TRIM4: variants seen among roughly 807,000 people sequenced by gnomAD.
TRIM4 encodes E3 ubiquitin-protein ligase TRIM4.
TRIM4 carries 29 observed loss-of-function variants against 33.7 expected under a neutral mutation model. That is an observed-to-expected ratio of 0.86 (90% CI 0.64 to 1.17). The LOEUF (loss-of-function observed/expected upper bound fraction) is 1.17. Ranked by LOEUF, TRIM4 falls within the 50% of genes most tolerant of loss-of-function variation. The pLI, the probability that TRIM4 is intolerant of heterozygous loss-of-function variation, is 0.00. For missense variants in TRIM4, 554 were observed against 593.7 expected, an observed-to-expected ratio of 0.93 and a Z score of 0.69; for synonymous variants, 224 against 233.0, an observed-to-expected ratio of 0.96 and a Z score of 0.35.
rs968736617 is a variant in TRIM4, at chr7:99,892,014, C to T, written c.*149G>A. The T allele has an allele frequency of 1.4e-6, 1 of 713,800 alleles. No individual in the cohort carries two copies. The highest frequency in any genetic ancestry group is 1.8e-5 in the African/African-American group (1 of 55,978). The allele number at this position is 713,800 out of a possible 1,614,324, so 44.2% of individuals were successfully genotyped here. A position where few individuals can be genotyped will look rare whatever the true frequency, so the allele number is the denominator to read the frequency against. ...CCATGGGACTGCCTCTTGTGAAGCA[C>T]ACAAAGGGCAGATACCAAACGGTAC... On this transcript the variant is annotated 3_prime_UTR_variant, in exon 6 of 6. Transcript: ENST00000349062.
At chr7:99,916,860 A>T (rs537047269) in intron 1 of TRIM4, 503 of 752,470 alleles carry the variant, frequency 6.7e-4, no homozygotes, top group Non-Finnish European at 1.1e-3. Context: ...AGAAAGTTCA[A>T]TCTTTTTACT....
intron 1 of TRIM4, among the ~76,000 whole-genome samples, chr7:99,914,630 C>G (rs888639953): frequency 6.6e-6 from 1 of 152,004 alleles, no homozygotes; most frequent in Admixed American, 6.6e-5. Flanking sequence ...GCTCTTGGTC[C>G]TCCAGGTGCA....
Position 99,891,906 on chromosome 7 carries a change from C to T in TRIM4, c.*257G>A. On this transcript the variant is annotated 3_prime_UTR_variant, in exon 6 of 6. Coordinates refer to ENST00000349062, the MANE Select transcript of TRIM4 (RefSeq NM_033091.3). The stretch of plus-strand genomic sequence containing the variant: ...CTAACATCCATATGTCTTCCCCGCA[C>T]ATCTCTTTAAAAGCTACAAAAAGAT... The T allele has an allele frequency of 2.4e-6, 1 of 410,306 alleles. No individual in the cohort carries two copies. Among genetic ancestry groups the T allele is most frequent in the Middle Eastern group, 6.6e-4 (1 of 1,512 alleles). 25.4% of individuals were successfully genotyped at this position (410,306 alleles called of 1,614,324 possible).
In TRIM4 at chr7:99,898,134, C is replaced by T. The variant is rs1819065151; in HGVS notation, c.841+5084G>A. Among the ~76,000 whole-genome samples, 4 of 152,328 alleles carry T rather than the reference C, an allele frequency of 2.6e-5. No individual in the cohort carries two copies. In the South Asian group the frequency reaches 8.3e-4, roughly 32 times the overall value. The stretch of plus-strand genomic sequence containing the variant: ...ATAAGTCTCACCCACTTCCCTTCAG[C>T]ACCACCACCACATTATGCAGTGCGT... On this transcript the variant is annotated intron_variant, in intron 5 of 5. Transcript: ENST00000349062.
Position 99,908,696 on chromosome 7 carries a change from C to A in TRIM4, c.606G>T (p.Thr202=), listed in dbSNP as rs771212971. The A allele has an allele frequency of 1.2e-6, 2 of 1,614,046 alleles. No individual in the cohort carries two copies. The highest frequency in any genetic ancestry group is 1.7e-6 in the Non-Finnish European group (2 of 1,180,036). ...ACGTGTTCTCATTCAGCTTCTTCTT[C>A]GTCTCTTCTTCTTCTTTGTTCAATC... ...LQRLNKEEEE[T]KKKLNENTLK... The change falls in exon 3 of 6, where the codon ACG becomes ACT. Residue 202 remains threonine, a synonymous_variant. Transcript: ENST00000349062.
chr7:99,915,996 C>T (rs1819547944), intron 1 of TRIM4, among the ~76,000 whole-genome samples: 1 of 152,134 alleles, frequency 6.6e-6, no homozygotes, highest in Non-Finnish European at 1.5e-5. Flanking sequence ...ACAGTTGCCT[C>T]ATCTTCAAAA....
intron 2 of TRIM4, among the ~76,000 whole-genome samples, chr7:99,909,198 T>C (rs536784427): frequency 6.6e-6 from 1 of 150,784 alleles, no homozygotes; most frequent in East Asian, 2.0e-4. Flanking sequence ...CTTTCCACAA[T>C]GCCATGGGCC....
chr7:99,916,268 G>C (rs898374145), intron 1 of TRIM4, among the ~76,000 whole-genome samples: 1 of 152,056 alleles, frequency 6.6e-6, no homozygotes, highest in African/African-American at 2.4e-5. Flanking sequence ...CCAACCATTG[G>C]TGTTTCCCAA....
chr7:99,903,085 AC>A, intron 5 of TRIM4, 132 bp downstream of exon 5: 2 of 662,296 alleles, frequency 3.0e-6, no homozygotes, highest in Non-Finnish European at 5.2e-6. Context: ...TGAAGTGTAT[AC>A]CCATTTATTA....
Position 99,919,075 on chromosome 7 carries a change from G to GCA in TRIM4, c.325_326dup (p.Arg110AlafsTer37), listed in dbSNP as rs957260784. The GCA allele has an allele frequency of 6.4e-7, 1 of 1,555,630 alleles. No homozygotes were observed. Among genetic ancestry groups the GCA allele is most frequent in the African/African-American group, 1.4e-5 (1 of 71,466 alleles). On this transcript the variant is annotated frameshift_variant, in exon 1 of 6. Transcript: ENST00000349062. LOFTEE classifies it high-confidence loss of function. ...GAGTCTGGTGCTCCTGGGACTCCCT[G>GCA]CACACCAGGCACACTGGCCGCTGGT... is the stretch of plus-strand genomic sequence containing the variant.
At position 99,892,401 on chromosome 7, in the gene TRIM4, C is replaced by G. The variant is rs1446664852; in HGVS notation, c.1187G>C (p.Ser396Thr). The G allele has an allele frequency of 3.7e-6, 6 of 1,614,016 alleles. No homozygotes were observed. Among genetic ancestry groups the G allele is most frequent in the Non-Finnish European group, 5.1e-6 (6 of 1,180,024 alleles). Residue 396 changes from serine (S) to threonine (T), a missense_variant, in exon 6 of 6, where the codon AGT becomes ACT. By Grantham distance (58) the Ser-to-Thr change is moderately conservative (BLOSUM62 1). This residue lies in a region of TRIM4 where 290 missense variants were observed against 335.8 expected (regional missense o/e 0.86). Coordinates refer to ENST00000349062, the MANE Select transcript of TRIM4 (RefSeq NM_033091.3). The part of the protein sequence containing the change: ...PDVGIWAIYW[S>T]AAGYWPLIGF... ...TATCAAGGGCCAATAGCCAGCAGCA[C>G]TCCAATAAATCGCCCAGATGCCCAC...
chr7:99,919,502 T>TCAC lies in TRIM4; in HGVS notation c.-104_-102dup, dbSNP rs1405093900. On this transcript the variant is annotated 5_prime_UTR_variant, in exon 1 of 6. Transcript: ENST00000349062. ...AGGCCAGACGACTTCCGAACCGCCG[T>TCAC]CACCGCCTCACGTAAAAGGGTACAA... is the stretch of plus-strand genomic sequence containing the variant. 4 of 1,273,968 alleles carry TCAC rather than the reference T, an allele frequency of 3.1e-6. No homozygotes were observed. The highest frequency in any genetic ancestry group is 4.2e-6 in the Non-Finnish European group (4 of 960,888). 78.9% of individuals were successfully genotyped at this position (1,273,968 alleles called of 1,614,324 possible).
At chr7:99,901,530 G>A (rs1819167528) in intron 5 of TRIM4, 1 of 152,132 alleles carries the variant, frequency 6.6e-6, no homozygotes, top group Non-Finnish European at 1.5e-5. Flanking sequence ...CTTTATCCTG[G>A]GATGCAGTTA....
intron 5 of TRIM4, chr7:99,902,321 C>T (rs530858499): frequency 2.2e-4 from 141 of 639,148 alleles, no homozygotes; most frequent in Middle Eastern, 4.1e-4. Flanking sequence ...AATCTCAGCT[C>T]ACTGCAACCT....
Position 99,892,129 on chromosome 7 carries a change from C to T in TRIM4, c.*34G>A. The T allele has an allele frequency of 6.5e-7, 1 of 1,547,240 alleles. No homozygotes were observed. Among genetic ancestry groups the T allele is most frequent in the South Asian group, 1.2e-5 (1 of 81,476 alleles). ...GGATGTGTGTCCCTCAGCTGGACTACAGGGAAGGAGTTTTGGTCAGGGGAA... is the reference window on the plus strand; with the variant it reads ...GGATGTGTGTCCCTCAGCTGGACTATAGGGAAGGAGTTTTGGTCAGGGGAA... On this transcript the variant is annotated 3_prime_UTR_variant, in exon 6 of 6. Transcript: ENST00000349062.
intron 5 of TRIM4, among the ~76,000 whole-genome samples, chr7:99,894,568 G>C (rs1198751789): frequency 6.6e-6 from 1 of 151,998 alleles, no homozygotes; most frequent in Non-Finnish European, 1.5e-5. Context: ...TTGGGAGGCT[G>C]AGGCAGGAGA....
chr7:99,919,077 A>G lies in TRIM4; in HGVS notation c.325T>C (p.Cys109Arg). 6.4e-7 allele frequency: 1 copy of G among 1,555,788 alleles called. No individual in the cohort carries two copies. The highest frequency in any genetic ancestry group is 1.2e-5 in the South Asian group (1 of 84,880). The change falls in exon 1 of 6, where the codon TGC becomes CGC. Residue 109 changes from cysteine (C) to arginine (R), a missense_variant. Transcript: ENST00000349062. The part of the protein sequence containing the change: ...EDDQRPVCLV[C>R]RESQEHQTHA... ...GTCTGGTGCTCCTGGGACTCCCTGC[A>G]CACCAGGCACACTGGCCGCTGGTCG...
Position 99,895,316 on chromosome 7 carries a change from G to A in TRIM4, c.842-2570C>T, listed in dbSNP as rs546553401. 1.9e-4 allele frequency among the ~76,000 whole-genome samples: 29 copies of A among 152,156 alleles called. 1 individual carries two copies. Among genetic ancestry groups the A allele is most frequent in the South Asian group, 1.7e-3 (8 of 4,816 alleles). On this transcript the variant is annotated intron_variant, in intron 5 of 5. Coordinates refer to ENST00000349062, the MANE Select transcript of TRIM4 (RefSeq NM_033091.3). ...CCTTTTGATTTCTTCTTTAATTCAA[G>A]GGTTACTAAAAAGTCTATTATTTAG...
chr7:99,893,215 C>G (rs1055275721), intron 5 of TRIM4, among the ~76,000 whole-genome samples: 1 of 152,032 alleles, frequency 6.6e-6, no homozygotes, highest in Admixed American at 6.5e-5. Context: ...TGTAGTGACC[C>G]GAGATCGTGC....
Sources: gnomAD v4.1 joint callset for allele counts (sites outside exome capture counted in the v4.1 genomes callset) on GRCh38, gnomAD v4.1.1 for gene constraint, gnomAD v4.1.1 regional missense constraint, MANE v1.5 for transcripts, NCBI Gene and HGNC (gene_info 2026-07-23, HGNC 2026-07-21) for gene names.